SCG5: variants seen among roughly 807,000 people sequenced by gnomAD.
SCG5 encodes neuroendocrine protein 7B2.
In SCG5, 18 loss-of-function variants were observed where a neutral mutation model predicts 25.7. The observed-to-expected ratio is 0.70, with a 90% CI of 0.48 to 1.04. The LOEUF (loss-of-function observed/expected upper bound fraction) is 1.04. Ranked by LOEUF, SCG5 falls within the 50% of genes least tolerant of loss-of-function variation. The probability of loss-of-function intolerance (pLI) is 0.00; values close to 1 mark genes in which losing one functional copy is unlikely to be tolerated. For synonymous variants in SCG5, 101 were observed against 91.7 expected, an observed-to-expected ratio of 1.10 and a Z score of -0.58; for missense variants, 206 against 259.8, an observed-to-expected ratio of 0.79 and a Z score of 1.42.
intron 4 of SCG5, among the ~76,000 whole-genome samples, chr15:32,686,462 C>T (rs536411499): frequency 1.3e-5 from 2 of 151,710 alleles, no homozygotes; most frequent in South Asian, 2.1e-4. Flanking sequence ...AATTGGTATA[C>T]GGAATAAATA....
chr15:32,644,328 G>A (rs1392632790), intron 2 of SCG5, among the ~76,000 whole-genome samples: 4 of 152,182 alleles, frequency 2.6e-5, no homozygotes, highest in African/African-American at 9.6e-5. Context: ...TCCTAGGAAT[G>A]ACTCCAGTAT....
intron 2 of SCG5, among the ~76,000 whole-genome samples, chr15:32,668,740 G>A (rs150543498): frequency 6.6e-6 from 1 of 152,276 alleles, no homozygotes; most frequent in Non-Finnish European, 1.5e-5. Context: ...AGAGCTTTGG[G>A]TCTGGGGCGG....
rs190831220 is a variant in SCG5, at chr15:32,652,336, A to G, written c.226+8518A>G. On this transcript the variant is annotated intron_variant, in intron 2 of 5. Coordinates refer to ENST00000300175, the MANE Select transcript of SCG5 (RefSeq NM_001144757.3). ...AAATGCAACGTATAAATGTGTTCCC[A>G]GAATGTCAGGTAAAGGGGAGATGAG... 2.6e-5 allele frequency among the ~76,000 whole-genome samples: 4 copies of G among 152,322 alleles called. No homozygotes were observed. In the East Asian group the frequency reaches 7.7e-4, roughly 29 times the overall value.
intron 2 of SCG5, among the ~76,000 whole-genome samples, chr15:32,668,617 A>G (rs964424313): frequency 6.6e-6 from 1 of 152,206 alleles, no homozygotes; most frequent in Non-Finnish European, 1.5e-5. Flanking sequence ...GAATGGGTCC[A>G]ACACAGTTCC....
At chr15:32,666,446 C>T (rs1402754408) in intron 2 of SCG5, 1 of 152,212 alleles carries the variant, frequency 6.6e-6, no homozygotes, top group Non-Finnish European at 1.5e-5. Flanking sequence ...TACCTCTGCT[C>T]CCACTCAGCG....
intron 2 of SCG5, among the ~76,000 whole-genome samples, chr15:32,648,320 C>T (rs375321866): frequency 3.3e-5 from 5 of 152,286 alleles, no homozygotes; most frequent in Admixed American, 6.5e-5. Flanking sequence ...ACCATCATGT[C>T]TGGCATGGAG....
chr15:32,670,917 A>T (rs887727048), intron 2 of SCG5, among the ~76,000 whole-genome samples: 9 of 152,242 alleles, frequency 5.9e-5, no homozygotes, highest in Admixed American at 5.2e-4. Context: ...AATATGCAGG[A>T]TCATTAATTT....
intron 2 of SCG5, among the ~76,000 whole-genome samples, chr15:32,664,558 G>C (rs2054288575): frequency 6.6e-6 from 1 of 152,176 alleles, no homozygotes; most frequent in African/African-American, 2.4e-5. Flanking sequence ...CATGCAATTT[G>C]AAAACTTTTT....
chr15:32,648,445 T>G (rs1391335036), intron 2 of SCG5, among the ~76,000 whole-genome samples: 1 of 152,128 alleles, frequency 6.6e-6, no homozygotes, highest in Non-Finnish European at 1.5e-5. Flanking sequence ...TTGAAAAGTT[T>G]AAACCATATT....
At chr15:32,673,671 A>C (rs2054482478) in intron 2 of SCG5, among the ~76,000 whole-genome samples, 1 of 152,100 alleles carries the variant, frequency 6.6e-6, no homozygotes, top group African/African-American at 2.4e-5. Flanking sequence ...TTAATAACTT[A>C]GAAGGAGTGA....
At chr15:32,673,616 C>T (rs1411380693) in intron 2 of SCG5, among the ~76,000 whole-genome samples, 1 of 151,470 alleles carries the variant, frequency 6.6e-6, no homozygotes, top group Non-Finnish European at 1.5e-5. Context: ...GGCGCACTCT[C>T]AATTTATTGT....
intron 4 of SCG5, among the ~76,000 whole-genome samples, chr15:32,690,092 C>T (rs1453156254): frequency 2.0e-5 from 3 of 152,202 alleles, no homozygotes; most frequent in African/African-American, 4.8e-5. Context: ...CCTCCCACCT[C>T]GGCCTCCCAA....
chr15:32,683,024 T>G (rs2054647037), intron 3 of SCG5, among the ~76,000 whole-genome samples: 1 of 152,230 alleles, frequency 6.6e-6, no homozygotes, highest in African/African-American at 2.4e-5. Flanking sequence ...AGGTGCCATA[T>G]GCAGATTGCC....
chr15:32,694,205 G>T (rs2054915021), intron 5 of SCG5, among the ~76,000 whole-genome samples: 1 of 152,094 alleles, frequency 6.6e-6, no homozygotes, highest in South Asian at 2.1e-4. Flanking sequence ...TATCAAAAAA[G>T]TTCACCTGAT....
intron 2 of SCG5, among the ~76,000 whole-genome samples, chr15:32,658,362 C>T (rs1323951078): frequency 2.0e-5 from 3 of 151,948 alleles, no homozygotes; most frequent in Non-Finnish European, 4.4e-5. Flanking sequence ...GCATTGGCCC[C>T]TAGAGAAGAC....
At position 32,696,741 on chromosome 15, in the gene SCG5, T is replaced by C; in HGVS notation, c.*132T>C. The C allele has an allele frequency of 3.4e-6, 2 of 588,438 alleles. No homozygotes were observed. Among genetic ancestry groups the C allele is most frequent in the Non-Finnish European group, 6.2e-6 (2 of 324,440 alleles). The allele number at this position is 588,438 out of a possible 1,614,324, so 36.5% of individuals were successfully genotyped here. A position where few individuals can be genotyped will look rare whatever the true frequency, so the allele number is the denominator to read the frequency against. On this transcript the variant is annotated 3_prime_UTR_variant, in exon 6 of 6. Transcript: ENST00000300175. ...TAATTATGGATACAAAGCAGCTGTATGTAGATAGTGTATTGTCTTCACACC... is the reference window on the plus strand; with the variant it reads ...TAATTATGGATACAAAGCAGCTGTACGTAGATAGTGTATTGTCTTCACACC...
chr15:32,679,752 T>C lies in SCG5; in HGVS notation c.227-14T>C. The C allele has an allele frequency of 6.2e-6, 10 of 1,613,750 alleles. No homozygotes were observed. Among genetic ancestry groups the C allele is most frequent in the Non-Finnish European group, 8.5e-6 (10 of 1,179,658 alleles). On this transcript the variant is annotated splice_polypyrimidine_tract_variant and intron_variant, in intron 2 of 5. Coordinates refer to ENST00000300175, the MANE Select transcript of SCG5 (RefSeq NM_001144757.3). Reference sequence around the variant, plus strand: ...GAATTGCACTGCAATGAACTACTTCTGATTCCCTCGCAGGTGGAGCTCATG... The same window carrying C: ...GAATTGCACTGCAATGAACTACTTCCGATTCCCTCGCAGGTGGAGCTCATG...
intron 1 of SCG5, 85 bp from the exon 2 acceptor site, chr15:32,643,501 A>G (rs1341538336): frequency 8.8e-7 from 1 of 1,132,370 alleles, no homozygotes; most frequent in Non-Finnish European, 1.3e-6. Context: ...TCGAACCACA[A>G]CCTGGAGTGG....
rs11338067 is a variant in SCG5 at position 32,642,568 on chromosome 15, CAAAAAAAAAAAAA to C, written c.-8+805_-8+817del. On this transcript the variant is annotated intron_variant, in intron 1 of 5. Transcript: ENST00000300175. ...GGGCAACAAGAGTGAAACTCCGTCT[CAAAAAAAAAAAAA>C]AAAAAAAAAAAAAAGGGTTTGCAAG... Among the ~76,000 whole-genome samples, 61 of 49,742 alleles carry C rather than the reference CAAAAAAAAAAAAA, an allele frequency of 1.2e-3. 1 individual carries two copies. Among genetic ancestry groups the C allele is most frequent in the African/African-American group, 4.7e-3 (57 of 12,166 alleles). The allele number at this position is 49,742 out of a possible 152,430, so 32.6% of individuals were successfully genotyped here.
Sources: gnomAD v4.1 joint callset for allele counts (sites outside exome capture counted in the v4.1 genomes callset) on GRCh38, gnomAD v4.1.1 for gene constraint, MANE v1.5 for transcripts, NCBI Gene and HGNC (gene_info 2026-07-23, HGNC 2026-07-21) for gene names.